Variants in VPS13B observed in about 807,000 individuals in gnomAD.
The protein encoded by VPS13B is intermembrane lipid transfer protein VPS13B.
In VPS13B, 285 loss-of-function variants were observed where a neutral mutation model predicts 426.4. That is an observed-to-expected ratio of 0.67 (90% CI 0.61 to 0.74). The LOEUF is 0.74. Ranked by LOEUF, VPS13B falls within the 30% of genes least tolerant of loss-of-function variation. The pLI is 0.00. For missense variants in VPS13B, 4,537 were observed against 4,782.6 expected (o/e 0.95, Z 1.51); for synonymous variants, 1,676 against 1,676.4 (o/e 1.00, Z 0.01).
intron 27 of VPS13B, among the ~76,000 whole-genome samples, chr8:99,506,785 A>G (rs1247429553): frequency 6.6e-6 from 1 of 152,202 alleles, no homozygotes; most frequent in African/African-American, 2.4e-5. Context: ...TGAGCCCAGG[A>G]GTTCAAGGTT....
chr8:99,046,552 T>A lies in VPS13B; in HGVS notation c.291+7986T>A, dbSNP rs532787670. Among the ~76,000 whole-genome samples the A allele has an allele frequency of 5.8e-4, 89 of 152,260 alleles. 1 individual carries two copies. Among genetic ancestry groups the A allele is most frequent in the Middle Eastern group, 3.4e-3 (1 of 294 alleles). Reference sequence around the variant, plus strand: ...GGATGCCCTTTATTTCTTTCTCTTATCTGATTGCTCTGGGTAGGACTTCCA... The same window carrying A: ...GGATGCCCTTTATTTCTTTCTCTTAACTGATTGCTCTGGGTAGGACTTCCA... On this transcript the variant is annotated intron_variant, in intron 3 of 61. Coordinates refer to ENST00000357162, the MANE Select transcript of VPS13B (RefSeq NM_152564.5).
chr8:99,696,980 G>T (rs1832037422), intron 35 of VPS13B: 3 of 621,234 alleles, frequency 4.8e-6, no homozygotes, highest in Middle Eastern at 8.8e-4. Flanking sequence ...AGGGGCTGCA[G>T]CCGGCGTGTG....
chr8:99,344,133 A>C (rs1040922914), intron 19 of VPS13B, among the ~76,000 whole-genome samples: 2 of 152,238 alleles, frequency 1.3e-5, no homozygotes, highest in Non-Finnish European at 1.5e-5. Flanking sequence ...GGAACAAGTT[A>C]GAAGGCCTGG....
intron 19 of VPS13B, among the ~76,000 whole-genome samples, chr8:99,356,157 T>G (rs556787847): frequency 1.3e-5 from 2 of 152,188 alleles, no homozygotes; most frequent in Non-Finnish European, 2.9e-5. Context: ...GAAAACTGAT[T>G]TAAGTCTCAG....
intron 34 of VPS13B, among the ~76,000 whole-genome samples, chr8:99,651,168 C>G (rs1366409379): frequency 6.6e-6 from 1 of 151,908 alleles, no homozygotes; most frequent in Non-Finnish European, 1.5e-5. Flanking sequence ...GAGATACTTC[C>G]CAGGATAAAT....
At chr8:99,507,522 T>A (rs1821563924) in intron 28 of VPS13B, among the ~76,000 whole-genome samples, 1 of 152,258 alleles carries the variant, frequency 6.6e-6, no homozygotes, top group African/African-American at 2.4e-5. Flanking sequence ...TATGTGAGTT[T>A]ATGCTGGATT....
Position 99,337,792 on chromosome 8 carries a change from A to G in VPS13B, c.2825-46416A>G, listed in dbSNP as rs553123147. ...GATTAGTGCTTTTTTGGACTTCTCT[A>G]TGAAATCCAGGATATCCTTCTATAT... On this transcript the variant is annotated intron_variant, in intron 19 of 61. Coordinates refer to ENST00000357162, the MANE Select transcript of VPS13B (RefSeq NM_152564.5). Among the ~76,000 whole-genome samples, 24 of 152,214 alleles carry G rather than the reference A, an allele frequency of 1.6e-4. 1 individual carries two copies. Among genetic ancestry groups the G allele is most frequent in the African/African-American group, 5.3e-4 (22 of 41,558 alleles).
intron 11 of VPS13B, 89 bp from the exon 12 acceptor site, chr8:99,136,576 T>C: frequency 2.4e-6 from 3 of 1,243,280 alleles, no homozygotes; most frequent in East Asian, 4.7e-5. Flanking sequence ...ATACATTCTA[T>C]ATAAAGATAT....
At chr8:99,550,178 T>C (rs542213265) in intron 30 of VPS13B, among the ~76,000 whole-genome samples, 3 of 152,188 alleles carry the variant, frequency 2.0e-5, no homozygotes, top group African/African-American at 4.8e-5. Flanking sequence ...GAATATAATT[T>C]TGAAGTCCTG....
intron 21 of VPS13B, among the ~76,000 whole-genome samples, chr8:99,404,322 A>T (rs1222839566): frequency 6.6e-6 from 1 of 152,170 alleles, no homozygotes; most frequent in Non-Finnish European, 1.5e-5. Flanking sequence ...TTTTTTTTAC[A>T]GTCTTTTCAC....
chr8:99,660,519 A>T (rs1238092244), intron 34 of VPS13B, among the ~76,000 whole-genome samples: 1 of 152,158 alleles, frequency 6.6e-6, no homozygotes, highest in Non-Finnish European at 1.5e-5. Context: ...TCATGAAACT[A>T]AAGAAAAACT....
chr8:99,484,187 C>G (rs1018756172), intron 25 of VPS13B, among the ~76,000 whole-genome samples: 1 of 151,976 alleles, frequency 6.6e-6, no homozygotes, highest in Non-Finnish European at 1.5e-5. Context: ...GAAAATTTTG[C>G]TAAATTGCTT....
At chr8:99,614,987 C>T (rs920564959) in intron 33 of VPS13B, among the ~76,000 whole-genome samples, 1 of 151,870 alleles carries the variant, frequency 6.6e-6, no homozygotes, top group Non-Finnish European at 1.5e-5. Context: ...CGTGGCGGCA[C>T]ATGCCTGTAA....
chr8:99,160,212 A>G (rs578203074), intron 15 of VPS13B, among the ~76,000 whole-genome samples: 1 of 152,312 alleles, frequency 6.6e-6, no homozygotes, highest in Non-Finnish European at 1.5e-5. Context: ...TAAGTAATAC[A>G]TCCAATGCAG....
chr8:99,840,287 T>G (rs549500806), intron 54 of VPS13B, among the ~76,000 whole-genome samples: 7 of 152,274 alleles, frequency 4.6e-5, no homozygotes, highest in Admixed American at 6.5e-5. Context: ...CTTTATCATA[T>G]GACTTGCTAT....
chr8:99,280,183 C>T (rs1262826387), intron 19 of VPS13B, among the ~76,000 whole-genome samples: 1 of 152,088 alleles, frequency 6.6e-6, no homozygotes, highest in African/African-American at 2.4e-5. Flanking sequence ...TATGTATTTA[C>T]ATATACTGTT....
At chr8:99,713,292 T>G (rs889826865) in intron 36 of VPS13B, among the ~76,000 whole-genome samples, 2 of 152,188 alleles carry the variant, frequency 1.3e-5, no homozygotes, top group Non-Finnish European at 2.9e-5. Context: ...CTTCCAGAAA[T>G]AAATATCAAC....
At chr8:99,337,123 A>T in intron 19 of VPS13B, among the ~76,000 whole-genome samples, 1 of 152,096 alleles carries the variant, frequency 6.6e-6, no homozygotes, top group East Asian at 1.9e-4. Flanking sequence ...GAAATGTCCA[A>T]CAACGATAGA....
At chr8:99,528,046 A>T (rs1268281824) in intron 30 of VPS13B, 1 of 152,020 alleles carries the variant, frequency 6.6e-6, no homozygotes, top group East Asian at 1.9e-4. Flanking sequence ...TATAGTTTGT[A>T]TGGTTGTTTC....
Sources: allele counts gnomAD v4.1 joint callset (sites outside exome capture counted in the v4.1 genomes callset), GRCh38; gene constraint gnomAD v4.1.1; transcripts MANE v1.5; gene names NCBI Gene and HGNC (gene_info 2026-07-23, HGNC 2026-07-21).